PHACTR2: variants seen among roughly 807,000 people sequenced by gnomAD.
The protein encoded by PHACTR2 is phosphatase and actin regulator 2, also known as chromosome 6 open reading frame 56.
In PHACTR2, 30 loss-of-function variants were observed where a neutral mutation model predicts 76.0. That is an observed-to-expected ratio of 0.39 (90% CI 0.30 to 0.54). PHACTR2 has a LOEUF of 0.54. Among genes scored for constraint, PHACTR2 ranks in the 20% least tolerant of loss-of-function variants. The pLI is 0.61. For missense variants in PHACTR2, 696 were observed against 781.1 expected, an observed-to-expected ratio of 0.89 and a Z score of 1.30; for synonymous variants, 292 against 292.5, an observed-to-expected ratio of 1.00 and a Z score of 0.02.
Position 143,811,970 on chromosome 6 carries a change from T to G in PHACTR2, c.1922+4837T>G, listed in dbSNP as rs1776183684. 6.6e-6 allele frequency among the ~76,000 whole-genome samples: 1 copy of G among 152,234 alleles called. No individual in the cohort carries two copies. The highest frequency in any genetic ancestry group is 1.5e-5 in the Non-Finnish European group (1 of 68,042). ...CCTTGCCCTTTCAATGCAACCTAGA[T>G]ACACAGCAGCTCTCCTTTCCTCTTA... On this transcript the variant is annotated intron_variant, in intron 12 of 12. Transcript: ENST00000440869. The surrounding 1 kb of genome is among the most constrained non-coding windows in gnomAD (Gnocchi z 4.1).
intron 1 of PHACTR2, among the ~76,000 whole-genome samples, chr6:143,629,378 T>C (rs1776321349): frequency 6.6e-6 from 1 of 152,148 alleles, no homozygotes; most frequent in Non-Finnish European, 1.5e-5. Context: ...GTTTCAGCAT[T>C]TGAATTATTA....
intron 2 of PHACTR2, among the ~76,000 whole-genome samples, chr6:143,740,675 A>G (rs1778921776): frequency 2.0e-5 from 3 of 152,204 alleles, no homozygotes; most frequent in Admixed American, 1.3e-4. Context: ...GTATCCTTTT[A>G]TAATTTGAAC....
At position 143,774,977 on chromosome 6, in the gene PHACTR2, C is replaced by T. The variant is rs951381685; in HGVS notation, c.1589+762C>T. On this transcript the variant is annotated intron_variant, in intron 8 of 12. Transcript: ENST00000440869. This position sits in a 1 kb window ranked among gnomAD's most constrained non-coding sequence, Gnocchi z 5.4. ...GCACATGTAAGAATTAGTTGTTCTG[C>T]TGACTTGTCTTACTCTGCATACACA... Among the ~76,000 whole-genome samples the T allele has an allele frequency of 6.6e-6, 1 of 152,182 alleles. No individual in the cohort carries two copies.
intron 1 of PHACTR2, among the ~76,000 whole-genome samples, chr6:143,707,164 C>G (rs938990374): frequency 7.8e-6 from 1 of 128,980 alleles, no homozygotes; most frequent in Non-Finnish European, 1.7e-5. Context: ...ATTGTAAAAA[C>G]ATAATAAAGC....
At chr6:143,699,990 G>C (rs189248801) in intron 1 of PHACTR2, among the ~76,000 whole-genome samples, 1 of 152,236 alleles carries the variant, frequency 6.6e-6, no homozygotes, top group East Asian at 1.9e-4. Flanking sequence ...GCCTTGGGGA[G>C]ATTGTCCGGG....
In PHACTR2 at chr6:143,710,056, T is replaced by G. The variant is rs2488100; in HGVS notation, c.47-1960T>G. 0.44 allele frequency among the ~76,000 whole-genome samples: 66,350 copies of G among 151,868 alleles called. 16,180 individuals are homozygous for G. The highest frequency in any genetic ancestry group is 0.57 in the Non-Finnish European group (38,549 of 67,904). On this transcript the variant is annotated intron_variant, in intron 1 of 12. Coordinates refer to ENST00000440869, the MANE Select transcript of PHACTR2 (RefSeq NM_001100164.2). The surrounding 1 kb of genome is among the most constrained non-coding windows in gnomAD (Gnocchi z 4.9). ...CACAGGTTCTTCTATGGTGCTCGGC[T>G]GTAGTAGAGCAGTTATTGTCTAAAA... is the stretch of plus-strand genomic sequence containing the variant.
Position 143,608,410 on chromosome 6 carries a change from C to T in PHACTR2, c.13+88C>T, listed in dbSNP as rs565704833. 1.4e-6 allele frequency: 2 copies of T among 1,387,526 alleles called. No individual in the cohort carries two copies. Among genetic ancestry groups the T allele is most frequent in the East Asian group, 4.6e-5 (2 of 43,574 alleles). 86.0% of individuals were successfully genotyped at this position (1,387,526 alleles called of 1,614,324 possible). A position where few individuals can be genotyped will look rare whatever the true frequency, so the allele number is the denominator to read the frequency against. ...CTGCGGAAGGTTTGCCTATTTGTTGCTCTCGTTTTGCACTTAAATGTTCAA... is the reference window on the plus strand; with the variant it reads ...CTGCGGAAGGTTTGCCTATTTGTTGTTCTCGTTTTGCACTTAAATGTTCAA... On this transcript the variant is annotated intron_variant, in intron 1 of 11. Transcript: ENST00000305766. The surrounding 1 kb of genome is among the most constrained non-coding windows in gnomAD (Gnocchi z 4.6).
chr6:143,811,578 C>A lies in PHACTR2; in HGVS notation c.1922+4445C>A, dbSNP rs1776174837. Among the ~76,000 whole-genome samples, 1 of 152,066 alleles carries A rather than the reference C, an allele frequency of 6.6e-6. No homozygotes were observed. The highest frequency in any genetic ancestry group is 2.1e-4 in the South Asian group (1 of 4,826). On this transcript the variant is annotated intron_variant, in intron 12 of 12. Coordinates refer to ENST00000440869, the MANE Select transcript of PHACTR2 (RefSeq NM_001100164.2). The surrounding 1 kb of genome is among the most constrained non-coding windows in gnomAD (Gnocchi z 4.1). ...ATAAATTGATTAACACTCTTTAATACCTTTCCAGATAAGGAAAAATTAAAT... is the reference window on the plus strand; with the variant it reads ...ATAAATTGATTAACACTCTTTAATAACTTTCCAGATAAGGAAAAATTAAAT...
intron 1 of PHACTR2, among the ~76,000 whole-genome samples, chr6:143,587,862 A>T (rs1206646571): frequency 6.6e-6 from 1 of 151,816 alleles, no homozygotes; most frequent in African/African-American, 2.4e-5. Context: ...AAAAATACAA[A>T]ATTAGCCAGG....
rs147063511 is a variant in PHACTR2 at position 143,760,597 on chromosome 6, C to T, written c.651C>T (p.Val217=). The T allele has an allele frequency of 1.3e-5, 21 of 1,613,892 alleles. No homozygotes were observed. The highest frequency in any genetic ancestry group is 3.3e-4 in the Middle Eastern group (2 of 6,062). Residue 217 remains valine (V), a synonymous_variant, in exon 5 of 13, where the codon GTC becomes GTT. Transcript: ENST00000440869. This position sits in a 1 kb window ranked among gnomAD's most constrained non-coding sequence, Gnocchi z 6.4. ...NTKAPGKQAP[V]PPPKPASRNT... ...AGGCTCCTGGTAAGCAGGCCCCCGTCCCTCCACCCAAGCCAGCAAGCCGAA... is the reference window on the plus strand; with the variant it reads ...AGGCTCCTGGTAAGCAGGCCCCCGTTCCTCCACCCAAGCCAGCAAGCCGAA...
At position 143,753,839 on chromosome 6, in the gene PHACTR2, A is replaced by G; in HGVS notation, c.381A>G (p.Val127=). 1.9e-6 allele frequency: 3 copies of G among 1,613,266 alleles called. No individual in the cohort carries two copies. The highest frequency in any genetic ancestry group is 2.2e-5 in the East Asian group (1 of 44,852). ...GEESTREENV[V]KSEEGNGSVS... ...AATCTACCCGAGAGGAAAATGTAGT[A>G]AAGTCTGAAGAAGGTAATGGCTCTG... The change falls in exon 4 of 13, where the codon GTA becomes GTG. Residue 127 remains valine, a synonymous_variant. Transcript: ENST00000440869. The surrounding 1 kb of genome is among the most constrained non-coding windows in gnomAD (Gnocchi z 4.6).
In PHACTR2 at chr6:143,710,083, T is replaced by C. The variant is rs544874943; in HGVS notation, c.47-1933T>C. Among the ~76,000 whole-genome samples the C allele has an allele frequency of 6.6e-6, 1 of 152,238 alleles. No homozygotes were observed. The highest frequency in any genetic ancestry group is 2.4e-5 in the African/African-American group (1 of 41,534). On this transcript the variant is annotated intron_variant, in intron 1 of 12. Transcript: ENST00000440869. The surrounding 1 kb of genome is among the most constrained non-coding windows in gnomAD (Gnocchi z 4.9). The stretch of plus-strand genomic sequence containing the variant: ...TAGTAGAGCAGTTATTGTCTAAAAG[T>C]TTCTTATGTTGCTACTCTGCCCCTT...
rs1287742389 is a variant in PHACTR2, at chr6:143,672,696, CA to C, written c.14-39317del. The stretch of plus-strand genomic sequence containing the variant: ...TGGGCATCCCTAGCACTTGGAGGAA[CA>C]AACTTCTTCTTTTTTATTTTTATTT... On this transcript the variant is annotated intron_variant, in intron 1 of 11. Coordinates refer to the PHACTR2 transcript ENST00000305766. This position sits in a 1 kb window ranked among gnomAD's most constrained non-coding sequence, Gnocchi z 5.8. 6.6e-6 allele frequency among the ~76,000 whole-genome samples: 1 copy of C among 151,964 alleles called. No homozygotes were observed. The highest frequency in any genetic ancestry group is 2.4e-5 in the African/African-American group (1 of 41,378).
Position 143,711,778 on chromosome 6 carries a change from A to G in PHACTR2, c.47-238A>G, listed in dbSNP as rs1652842993. The G allele has an allele frequency of 4.3e-6, 3 of 692,038 alleles. No individual in the cohort carries two copies. The East Asian group carries it at 8.6e-5, about 20-fold the overall frequency. 42.9% of individuals were successfully genotyped at this position (692,038 alleles called of 1,614,324 possible). ...ATTTGTCTGGCCCCATCTATAATGTAAGTCTCTTGCTTCTAGTCTGTTTCC... is the reference window on the plus strand; with the variant it reads ...ATTTGTCTGGCCCCATCTATAATGTGAGTCTCTTGCTTCTAGTCTGTTTCC... On this transcript the variant is annotated intron_variant, in intron 1 of 12. Coordinates refer to ENST00000440869, the MANE Select transcript of PHACTR2 (RefSeq NM_001100164.2).
chr6:143,753,072 C>G lies in PHACTR2; in HGVS notation c.296-682C>G, dbSNP rs752433711. Among the ~76,000 whole-genome samples the G allele has an allele frequency of 6.7e-6, 1 of 148,500 alleles. No individual in the cohort carries two copies. Among genetic ancestry groups the G allele is most frequent in the Non-Finnish European group, 1.5e-5 (1 of 67,212 alleles). On this transcript the variant is annotated intron_variant, in intron 3 of 12. Coordinates refer to ENST00000440869, the MANE Select transcript of PHACTR2 (RefSeq NM_001100164.2). The surrounding 1 kb of genome is among the most constrained non-coding windows in gnomAD (Gnocchi z 4.6). ...TTTTTTATGTGTGTTTTTTTTTTCT[C>G]GAATGTTTTCAAATTATTTTTAGGA...
chr6:143,692,369 C>G (rs1777664614), intron 1 of PHACTR2, among the ~76,000 whole-genome samples: 1 of 152,190 alleles, frequency 6.6e-6, no homozygotes, highest in Non-Finnish European at 1.5e-5. Context: ...TTGGAATAAA[C>G]CAGAACAAGT....
chr6:143,739,901 A>G lies in PHACTR2; in HGVS notation c.215-9084A>G, dbSNP rs183773710. On this transcript the variant is annotated intron_variant, in intron 2 of 12. Transcript: ENST00000440869. This position sits in a 1 kb window ranked among gnomAD's most constrained non-coding sequence, Gnocchi z 4.3. ...TCCTACTACCTGAAATTTGTAAACT[A>G]TTATATACTTTTGTTACAGGAACTG... Among the ~76,000 whole-genome samples, 277 of 152,250 alleles carry G rather than the reference A, an allele frequency of 1.8e-3. No individual in the cohort carries two copies. The highest frequency in any genetic ancestry group is 3.1e-3 in the Non-Finnish European group (212 of 68,022).
At chr6:143,640,004 A>G (rs76047694) in intron 1 of PHACTR2, among the ~76,000 whole-genome samples, 2,127 of 152,324 alleles carry the variant, frequency 0.014, 62 homozygotes, top group African/African-American at 0.049. Flanking sequence ...TGGGCCACAT[A>G]TATGATGGTA....
rs1319945178 is a variant in PHACTR2 at position 143,611,764 on chromosome 6, G to A, written c.13+3442G>A. The stretch of plus-strand genomic sequence containing the variant: ...CTCTGAAAGTGGTGTGGATGACAGT[G>A]TGGGAAAGTGAGCAATTCTGAGCAA... On this transcript the variant is annotated intron_variant, in intron 1 of 11. Transcript: ENST00000305766. The surrounding 1 kb of genome is among the most constrained non-coding windows in gnomAD (Gnocchi z 4.4). Among the ~76,000 whole-genome samples, 3 of 152,202 alleles carry A rather than the reference G, an allele frequency of 2.0e-5. No individual in the cohort carries two copies. The highest frequency in any genetic ancestry group is 7.2e-5 in the African/African-American group (3 of 41,438).
Sources: allele counts gnomAD v4.1 joint callset (sites outside exome capture counted in the v4.1 genomes callset), GRCh38; gene constraint gnomAD v4.1.1; non-coding constraint Gnocchi (gnomAD v3.1); transcripts MANE v1.5; gene names NCBI Gene and HGNC (gene_info 2026-07-23, HGNC 2026-07-21).